The following SERGEF variants were observed in gnomAD, a reference collection of about 807,000 sequenced individuals.
SERGEF encodes secretion-regulating guanine nucleotide exchange factor.
In SERGEF, 51 loss-of-function variants were observed where a neutral mutation model predicts 50.0. The ratio of observed to expected loss-of-function variants is 1.02; its 90% confidence interval spans 0.81 to 1.29. The LOEUF (loss-of-function observed/expected upper bound fraction) is 1.29, where lower values mean the gene tolerates loss of function less well. SERGEF is among the 50% of genes most tolerant of loss of function. The pLI is 0.00. For missense variants in SERGEF, 521 were observed against 557.0 expected (o/e 0.94, Z 0.65); for synonymous variants, 205 against 212.4 (o/e 0.97, Z 0.30).
intron 10 of SERGEF, among the ~76,000 whole-genome samples, chr11:17,804,495 CATTT>C (rs1246208370): frequency 1.3e-5 from 2 of 152,210 alleles, no homozygotes; most frequent in Non-Finnish European, 2.9e-5. Context: ...TTCAATCATT[CATTT>C]ATTCACAAAT....
chr11:17,984,324 T>C (rs1204551727), intron 8 of SERGEF, among the ~76,000 whole-genome samples: 2 of 152,120 alleles, frequency 1.3e-5, no homozygotes, highest in Non-Finnish European at 1.5e-5. Flanking sequence ...CGTACAATCA[T>C]GGTGGAAGAG....
At chr11:17,916,240 C>T (rs1040335025) in intron 9 of SERGEF, among the ~76,000 whole-genome samples, 1 of 152,202 alleles carries the variant, frequency 6.6e-6, no homozygotes, top group South Asian at 2.1e-4. Flanking sequence ...TGTACCTCTA[C>T]AGTCCAAGAA....
At chr11:17,838,358 C>T (rs1483320197) in intron 10 of SERGEF, among the ~76,000 whole-genome samples, 1 of 152,068 alleles carries the variant, frequency 6.6e-6, no homozygotes, top group Non-Finnish European at 1.5e-5. Flanking sequence ...GGCCTCTGGG[C>T]AGTAGGGAAG....
At chr11:17,820,023 T>C (rs1333247471) in intron 10 of SERGEF, among the ~76,000 whole-genome samples, 2 of 152,064 alleles carry the variant, frequency 1.3e-5, no homozygotes, top group African/African-American at 2.4e-5. Context: ...AAATTTTTTT[T>C]TGTAGAGGCG....
chr11:17,827,436 T>C (rs1410609476), intron 10 of SERGEF, among the ~76,000 whole-genome samples: 1 of 152,166 alleles, frequency 6.6e-6, no homozygotes, highest in Non-Finnish European at 1.5e-5. Context: ...AAGAGAAATT[T>C]TGAAGAGGAA....
intron 9 of SERGEF, among the ~76,000 whole-genome samples, chr11:17,941,757 A>G (rs1852566480): frequency 6.6e-6 from 1 of 152,200 alleles, no homozygotes; most frequent in South Asian, 2.1e-4. Context: ...CCAATAGTGC[A>G]CAAGGGTTCC....
chr11:17,911,531 C>T (rs968661024), intron 9 of SERGEF, among the ~76,000 whole-genome samples: 3 of 151,454 alleles, frequency 2.0e-5, no homozygotes, highest in Non-Finnish European at 4.4e-5. Context: ...CTCTCTGTTG[C>T]CCAGACTGGA....
intron 9 of SERGEF, among the ~76,000 whole-genome samples, chr11:17,910,940 C>A (rs184349829): frequency 6.6e-6 from 1 of 152,240 alleles, no homozygotes; most frequent in Non-Finnish European, 1.5e-5. Context: ...TCAAGTAGAA[C>A]CTAAGCTGGA....
At chr11:17,988,540 T>A (rs1051683704) in intron 8 of SERGEF, 57 bp downstream of exon 8, 7 of 1,575,770 alleles carry the variant, frequency 4.4e-6, no homozygotes, top group Non-Finnish European at 6.1e-6. Flanking sequence ...CATGGCTGCT[T>A]AGACAGCTGT....
rs1221121213 is a variant in SERGEF, at chr11:17,788,179, T to G, written c.1283A>C (p.Gln428Pro). Residue 428 changes from glutamine to proline, a missense_variant, in exon 11 of 11, where the codon CAG becomes CCG. Gln to Pro is a moderately conservative substitution (Grantham distance 76). Transcript: ENST00000265965. ...GTTTCTCTCTTTGTCCATGGCTTTC[T>G]GAGATTCAGTGTCCTCGATGGCATC... ...SPDAIEDTESQKAMDKERNWK... is the reference protein window; with the variant it reads ...SPDAIEDTESPKAMDKERNWK... The G allele has an allele frequency of 2.5e-6, 4 of 1,600,958 alleles. No homozygotes were observed. In the South Asian group the frequency reaches 4.4e-5, roughly 18 times the overall value.
intron 10 of SERGEF, among the ~76,000 whole-genome samples, chr11:17,835,119 GA>G (rs1379452865): frequency 6.6e-6 from 1 of 152,144 alleles, no homozygotes; most frequent in East Asian, 1.9e-4. Context: ...TATAAAACAA[GA>G]AATACAAATT....
intron 10 of SERGEF, among the ~76,000 whole-genome samples, chr11:17,793,168 T>A (rs1849514431): frequency 6.6e-6 from 1 of 152,034 alleles, no homozygotes; most frequent in South Asian, 2.1e-4. Context: ...GGAAAGCAGA[T>A]CATGGGAATA....
chr11:17,866,592 C>T (rs1036927387), intron 10 of SERGEF, among the ~76,000 whole-genome samples: 77 of 152,208 alleles, frequency 5.1e-4, no homozygotes, highest in Non-Finnish European at 3.5e-4. Flanking sequence ...ACAACCTCCG[C>T]CTCCCTGGTT....
intron 9 of SERGEF, chr11:17,939,381 C>A (rs1852517767): frequency 6.6e-6 from 1 of 152,198 alleles, no homozygotes; most frequent in Admixed American, 6.5e-5. Flanking sequence ...CAGCTCCCTC[C>A]CCGGTCTGAT....
chr11:17,932,600 G>A (rs182964897), intron 9 of SERGEF, among the ~76,000 whole-genome samples: 17 of 152,146 alleles, frequency 1.1e-4, no homozygotes, highest in Non-Finnish European at 2.2e-4. Context: ...AGAGGAGAAA[G>A]GAGCCATAGA....
intron 9 of SERGEF, among the ~76,000 whole-genome samples, chr11:17,916,911 G>A (rs1165174154): frequency 2.0e-5 from 3 of 152,140 alleles, no homozygotes; most frequent in Non-Finnish European, 4.4e-5. Context: ...AGCATTATCT[G>A]GGAATATTAT....
chr11:18,012,719 C>A, intron 1 of SERGEF: 1 of 1,282,414 alleles, frequency 7.8e-7, no homozygotes, highest in South Asian at 1.5e-5. Context: ...ACAGCCCCTC[C>A]GGCCCTGACC....
intron 9 of SERGEF, chr11:17,918,608 T>C (rs956210375): frequency 1.7e-4 from 55 of 323,364 alleles, no homozygotes; most frequent in Non-Finnish European, 2.8e-4. Flanking sequence ...ATCAGTAAGA[T>C]AAATAAAGCA....
intron 9 of SERGEF, among the ~76,000 whole-genome samples, chr11:17,896,762 A>AG (rs1851643922): frequency 7.6e-6 from 1 of 132,130 alleles, no homozygotes; most frequent in African/African-American, 2.9e-5. Context: ...GGGTAAGGGA[A>AG]GGGAAGGGTA....
Sources: allele counts gnomAD v4.1 joint callset (sites outside exome capture counted in the v4.1 genomes callset), GRCh38; gene constraint gnomAD v4.1.1; transcripts MANE v1.5; gene names NCBI Gene and HGNC (gene_info 2026-07-23, HGNC 2026-07-21).